The following GBE1 variants were observed in gnomAD, a reference collection of about 807,000 sequenced individuals.
GBE1 encodes the protein 1,4-alpha-glucan-branching enzyme.
In GBE1, 70 loss-of-function variants were observed where a neutral mutation model predicts 88.8. That is an observed-to-expected ratio of 0.79 (90% confidence interval 0.65 to 0.96). The LOEUF is 0.96. Among genes scored for constraint, GBE1 ranks in the 40% least tolerant of loss-of-function variants. GBE1 has a pLI of 0.00. For synonymous variants in GBE1, 284 were observed against 300.1 expected, an observed-to-expected ratio of 0.95 and a Z score of 0.56; for missense variants, 872 against 871.0, an observed-to-expected ratio of 1.00 and a Z score of -0.01.
intron 10 of GBE1, 42 bp from the exon 11 acceptor site, chr3:81,581,317 AT>A (rs1703728000): frequency 9.4e-7 from 1 of 1,066,178 alleles, no homozygotes. Flanking sequence ...GTAAAGCATT[AT>A]TTTTCTTATT....
intron 12 of GBE1, among the ~76,000 whole-genome samples, chr3:81,564,934 G>A (rs1204579436): frequency 2.6e-5 from 4 of 152,066 alleles, no homozygotes; most frequent in Admixed American, 6.6e-5. Context: ...TACACTCAGC[G>A]ATTCTGTCTC....
Position 81,642,900 on chromosome 3 carries a change from A to T in GBE1, c.873T>A (p.His291Gln), listed in dbSNP as rs1490838533. 1 of 1,612,954 alleles carries T rather than the reference A, an allele frequency of 6.2e-7. No individual in the cohort carries two copies. Among genetic ancestry groups the T allele is most frequent in the Non-Finnish European group, 8.5e-7 (1 of 1,179,172 alleles). ...ATCCATCTGCTGAATTTTTTGAAGC[A>T]TGGCTGTGTACCACATCTAAGAGGA... ...IIVLLDVVHS[H>Q]ASKNSADGLN... The change falls in exon 7 of 16, where the codon CAT becomes CAA. Residue 291 changes from histidine to glutamine, a missense_variant. His to Gln is a conservative substitution (Grantham distance 24, BLOSUM62 0). Coordinates refer to ENST00000429644, the MANE Select transcript of GBE1 (RefSeq NM_000158.4).
intron 1 of GBE1, among the ~76,000 whole-genome samples, chr3:81,761,166 G>A (rs1322191515): frequency 6.6e-6 from 1 of 152,230 alleles, no homozygotes; most frequent in Admixed American, 6.5e-5. Flanking sequence ...TTTCTTCAGC[G>A]CCCGCTCCGG....
At chr3:81,575,914 T>C (rs1703642731) in intron 12 of GBE1, among the ~76,000 whole-genome samples, 1 of 152,202 alleles carries the variant, frequency 6.6e-6, no homozygotes, top group South Asian at 2.1e-4. Context: ...GTTTTCAATT[T>C]TCTCACCTTG....
intron 15 of GBE1, 58 bp downstream of exon 15, chr3:81,499,052 T>A: frequency 1.1e-6 from 1 of 884,908 alleles, no homozygotes; most frequent in South Asian, 1.6e-5. Context: ...AACAAAAACA[T>A]TACTATAATA....
chr3:81,746,022 T>A (rs144486657), intron 1 of GBE1, among the ~76,000 whole-genome samples: 25 of 152,324 alleles, frequency 1.6e-4, no homozygotes, highest in Middle Eastern at 3.4e-3. Context: ...TGTAAAATAC[T>A]GACATTAGTT....
rs923254688 is a variant in GBE1 at position 81,749,330 on chromosome 3, GA to G, written c.143+12044del. ...AGATCTCAAGGGAATTATGCTGAAT[GA>G]AAAAAAAAGGCCAAAAAAGCCACTG... On this transcript the variant is annotated intron_variant, in intron 1 of 15. Transcript: ENST00000429644. 8.9e-3 allele frequency among the ~76,000 whole-genome samples: 1,314 copies of G among 147,066 alleles called. 24 individuals are homozygous for G. Among genetic ancestry groups the G allele is most frequent in the African/African-American group, 0.032 (1,264 of 40,106 alleles).
In GBE1 at chr3:81,503,495, A is replaced by G. The variant is rs574908003; in HGVS notation, c.1935-4268T>C. Among the ~76,000 whole-genome samples, 24 of 152,324 alleles carry G rather than the reference A, an allele frequency of 1.6e-4. No individual in the cohort carries two copies. The South Asian group carries it at 4.8e-3, about 30-fold the overall frequency. On this transcript the variant is annotated intron_variant, in intron 14 of 15. Coordinates refer to ENST00000429644, the MANE Select transcript of GBE1 (RefSeq NM_000158.4). ...GACGGCGGAAAGACTAAGTCGGGAA[A>G]AGCAGTCAGGAGTCTAACAACAGTC...
At position 81,733,514 on chromosome 3, in the gene GBE1, C is replaced by CCTGCT. The variant is rs1440153694; in HGVS notation, c.143+27856_143+27860dup. ...TCGCTGGTGCCAAAGTTTGGGGACC[C>CCTGCT]CTGCTCTTGGCAAACCCCTGTGTAG... On this transcript the variant is annotated intron_variant, in intron 1 of 15. Transcript: ENST00000429644. This position sits in a 1 kb window ranked among gnomAD's most constrained non-coding sequence, Gnocchi z 4.0. Among the ~76,000 whole-genome samples the CCTGCT allele has an allele frequency of 6.6e-6, 1 of 151,922 alleles. No individual in the cohort carries two copies. The highest frequency in any genetic ancestry group is 1.9e-4 in the East Asian group (1 of 5,188).
rs1706688384 is a variant in GBE1 at position 81,761,467 on chromosome 3, C to G, written c.51G>C (p.Ala17=). 1 of 1,613,260 alleles carries G rather than the reference C, an allele frequency of 6.2e-7. No individual in the cohort carries two copies. Among genetic ancestry groups the G allele is most frequent in the Admixed American group, 1.7e-5 (1 of 60,002 alleles). ...PAARPEDYEA[A]LNAALADVPE... The stretch of plus-strand genomic sequence containing the variant: ...GCACGTCAGCCAGGGCGGCATTGAG[C>G]GCCGCCTCGTAGTCCTCGGGCCGAG... The change falls in exon 1 of 16, where the codon GCG becomes GCC. Residue 17 remains alanine, a synonymous_variant. Transcript: ENST00000429644.
At chr3:81,712,799 A>AAAAT (rs377738556) in intron 1 of GBE1, among the ~76,000 whole-genome samples, 2,883 of 149,376 alleles carry the variant, frequency 0.019, 87 homozygotes, top group African/African-American at 0.064. Flanking sequence ...AAGTATAATA[A>AAAAT]AAATAAATAA....
At chr3:81,605,446 C>G (rs1394421359) in intron 7 of GBE1, among the ~76,000 whole-genome samples, 2 of 152,144 alleles carry the variant, frequency 1.3e-5, no homozygotes, top group African/African-American at 2.4e-5. Flanking sequence ...AAATACTTCT[C>G]AAGCTTGGGT....
chr3:81,567,259 GAT>G (rs1236630007), intron 12 of GBE1, among the ~76,000 whole-genome samples: 1 of 152,074 alleles, frequency 6.6e-6, no homozygotes. Context: ...GAAATCTCAG[GAT>G]ATGTCTTCTT....
intron 7 of GBE1, chr3:81,612,828 G>A (rs1180013839): frequency 2.3e-6 from 1 of 429,402 alleles, no homozygotes; most frequent in East Asian, 5.6e-5. Flanking sequence ...TGACTATTCT[G>A]ATGCAGGTGT....
intron 2 of GBE1, among the ~76,000 whole-genome samples, chr3:81,672,822 C>G (rs1371875973): frequency 6.6e-6 from 1 of 151,900 alleles, no homozygotes; most frequent in African/African-American, 2.4e-5. Flanking sequence ...ACATTACATT[C>G]TCAACTAAGG....
chr3:81,678,921 G>A (rs1172407146), intron 2 of GBE1, among the ~76,000 whole-genome samples: 2 of 152,118 alleles, frequency 1.3e-5, no homozygotes, highest in East Asian at 1.9e-4. Flanking sequence ...GATGATAAGA[G>A]TTATTATGTT....
In GBE1 at chr3:81,705,519, T is replaced by TG; in HGVS notation, c.237dup (p.Arg80GlnfsTer4). The TG allele has an allele frequency of 6.2e-7, 1 of 1,603,302 alleles. No individual in the cohort carries two copies. The highest frequency in any genetic ancestry group is 8.5e-7 in the Non-Finnish European group (1 of 1,174,548). On this transcript the variant is annotated frameshift_variant, in exon 2 of 16. Transcript: ENST00000429644. LOFTEE classifies it high-confidence loss of function. ...CAGTATAAACCACCATCAGCACATCTGTGGACGCCAAATGATTCATAGCCT... is the reference window on the plus strand; with the variant it reads ...CAGTATAAACCACCATCAGCACATCTGGTGGACGCCAAATGATTCATAGCCT...
intron 2 of GBE1, among the ~76,000 whole-genome samples, chr3:81,691,446 C>A (rs1486676603): frequency 2.0e-5 from 3 of 151,790 alleles, no homozygotes. Flanking sequence ...GTCAGCATGA[C>A]CTAATCATAA....
intron 14 of GBE1, among the ~76,000 whole-genome samples, chr3:81,523,184 A>G (rs1702896839): frequency 6.7e-6 from 1 of 150,340 alleles, no homozygotes; most frequent in South Asian, 2.1e-4. Context: ...TACATATATT[A>G]TTATGTATGC....
Sources: allele counts gnomAD v4.1 joint callset (sites outside exome capture counted in the v4.1 genomes callset), GRCh38; gene constraint gnomAD v4.1.1; non-coding constraint Gnocchi (gnomAD v3.1); transcripts MANE v1.5; gene names NCBI Gene and HGNC (gene_info 2026-07-23, HGNC 2026-07-21).